The following SPAG16 variants were observed in gnomAD, a reference collection of about 807,000 sequenced individuals.
The protein encoded by SPAG16 is sperm associated antigen 16.
SPAG16 carries 86 observed loss-of-function variants against 80.4 expected under a neutral mutation model. That is an observed-to-expected ratio of 1.07 (90% confidence interval 0.90 to 1.28). The LOEUF (loss-of-function observed/expected upper bound fraction) is 1.28, where lower values mean the gene tolerates loss of function less well. Among genes scored for constraint, SPAG16 ranks in the 50% most tolerant of loss-of-function variants. The pLI is 0.00. For missense variants in SPAG16, 870 were observed against 765.3 expected (o/e 1.14, Z -1.61); for synonymous variants, 294 against 265.9 (o/e 1.11, Z -1.03).
chr2:214,117,963 A>T (rs988102614), intron 14 of SPAG16, among the ~76,000 whole-genome samples: 1 of 152,208 alleles, frequency 6.6e-6, no homozygotes, highest in African/African-American at 2.4e-5. Context: ...GCCTATCTTT[A>T]CTATTTCTGT....
At chr2:213,899,363 A>G (rs79733149) in intron 11 of SPAG16, among the ~76,000 whole-genome samples, 1,733 of 152,208 alleles carry the variant, frequency 0.011, 30 homozygotes, top group African/African-American at 0.04. Context: ...CATATCAATA[A>G]AAGGAAGACT....
intron 15 of SPAG16, among the ~76,000 whole-genome samples, chr2:214,263,043 T>C (rs1405572057): frequency 2.0e-5 from 3 of 151,984 alleles, no homozygotes; most frequent in Non-Finnish European, 2.9e-5. Context: ...CCTCTATCAC[T>C]TCATAGTTAC....
chr2:213,525,977 T>G (rs746419230), intron 10 of SPAG16, among the ~76,000 whole-genome samples: 31 of 152,168 alleles, frequency 2.0e-4, no homozygotes, highest in Non-Finnish European at 3.7e-4. Context: ...CTTATCCTCA[T>G]CAACTTGCTT....
chr2:213,567,373 C>T (rs1238756157), intron 10 of SPAG16, among the ~76,000 whole-genome samples: 1 of 95,058 alleles, frequency 1.1e-5, no homozygotes, highest in African/African-American at 4.3e-5. Flanking sequence ...CCAATGCTAT[C>T]CCTCCCCCCT....
At chr2:213,389,185 A>G (rs1338325712) in intron 9 of SPAG16, among the ~76,000 whole-genome samples, 1 of 152,182 alleles carries the variant, frequency 6.6e-6, no homozygotes, top group Non-Finnish European at 1.5e-5. Flanking sequence ...CTTTTTACCA[A>G]ATTGTGCTGG....
chr2:214,048,191 G>C (rs184105145), intron 13 of SPAG16, among the ~76,000 whole-genome samples: 11 of 152,234 alleles, frequency 7.2e-5, no homozygotes, highest in African/African-American at 2.4e-4. Context: ...CCATGCCTAG[G>C]TATATACTCC....
At chr2:214,065,608 G>A (rs1397701003) in intron 13 of SPAG16, among the ~76,000 whole-genome samples, 2 of 152,168 alleles carry the variant, frequency 1.3e-5, no homozygotes, top group African/African-American at 4.8e-5. Flanking sequence ...AAGCTGGAAA[G>A]TGTCAGGCTA....
intron 15 of SPAG16, among the ~76,000 whole-genome samples, chr2:214,251,504 A>G (rs1052260049): frequency 3.3e-5 from 5 of 152,150 alleles, no homozygotes; most frequent in Non-Finnish European, 7.4e-5. Context: ...CAGCTGATAA[A>G]GATTATGACA....
At chr2:213,887,553 T>A (rs1041910014) in intron 11 of SPAG16, among the ~76,000 whole-genome samples, 1 of 151,828 alleles carries the variant, frequency 6.6e-6, no homozygotes, top group African/African-American at 2.4e-5. Flanking sequence ...CTAAATGTTT[T>A]CATAATTTAA....
intron 10 of SPAG16, among the ~76,000 whole-genome samples, chr2:213,818,065 T>A (rs1320789490): frequency 6.6e-6 from 1 of 152,162 alleles, no homozygotes; most frequent in Non-Finnish European, 1.5e-5. Context: ...TCCCCAAGCA[T>A]AAAGAAGGAC....
chr2:214,374,626 G>T (rs1020086640), intron 15 of SPAG16, among the ~76,000 whole-genome samples: 1 of 152,142 alleles, frequency 6.6e-6, no homozygotes, highest in African/African-American at 2.4e-5. Flanking sequence ...CAAAATGCTG[G>T]AGAGGCAGCC....
At chr2:214,131,089 G>A (rs575790069) in intron 14 of SPAG16, among the ~76,000 whole-genome samples, 4 of 152,214 alleles carry the variant, frequency 2.6e-5, no homozygotes, top group Admixed American at 6.5e-5. Context: ...GCTAGGTGTC[G>A]TGGGAGATTC....
intron 9 of SPAG16, among the ~76,000 whole-genome samples, chr2:213,472,817 C>T (rs1320699315): frequency 6.6e-6 from 1 of 152,208 alleles, no homozygotes; most frequent in African/African-American, 2.4e-5. Flanking sequence ...GAATCAATGT[C>T]AGCTCAGAGG....
chr2:214,017,487 C>A (rs1277400511), intron 13 of SPAG16, among the ~76,000 whole-genome samples: 1 of 152,092 alleles, frequency 6.6e-6, no homozygotes, highest in African/African-American at 2.4e-5. Flanking sequence ...CTAGGAAAGT[C>A]TATATCTTAT....
intron 10 of SPAG16, among the ~76,000 whole-genome samples, chr2:213,636,833 A>G (rs899190562): frequency 2.6e-5 from 4 of 152,212 alleles, no homozygotes; most frequent in African/African-American, 9.6e-5. Context: ...GAATTCATTT[A>G]TCATATCTTG....
chr2:213,459,633 T>C (rs1433028784), intron 9 of SPAG16, among the ~76,000 whole-genome samples: 1 of 152,216 alleles, frequency 6.6e-6, no homozygotes, highest in Non-Finnish European at 1.5e-5. Flanking sequence ...TAGTCCTTGT[T>C]TCAATTTCTT....
intron 10 of SPAG16, among the ~76,000 whole-genome samples, chr2:213,819,405 T>C (rs1327348011): frequency 2.0e-5 from 3 of 152,226 alleles, no homozygotes; most frequent in African/African-American, 4.8e-5. Context: ...TTTGTTAACT[T>C]GTTTATTTGA....
At chr2:214,229,103 G>T (rs1023839035) in intron 15 of SPAG16, among the ~76,000 whole-genome samples, 1 of 151,084 alleles carries the variant, frequency 6.6e-6, no homozygotes, top group African/African-American at 2.4e-5. Flanking sequence ...ACAACCAGAA[G>T]CAAAACAGAG....
intron 15 of SPAG16, among the ~76,000 whole-genome samples, chr2:214,152,988 C>A (rs1468684423): frequency 1.3e-5 from 2 of 152,106 alleles, no homozygotes; most frequent in Admixed American, 1.3e-4. Context: ...TGAAGCACAG[C>A]ATCACAGGGA....
Sources: allele counts gnomAD v4.1 joint callset (sites outside exome capture counted in the v4.1 genomes callset), GRCh38; gene constraint gnomAD v4.1.1; transcripts MANE v1.5; gene names NCBI Gene and HGNC (gene_info 2026-07-23, HGNC 2026-07-21).